Variants in TMEM132D observed in about 807,000 individuals in gnomAD.
TMEM132D encodes the protein mature OL transmembrane protein.
Under a neutral mutation model 62.3 loss-of-function variants are expected in TMEM132D, and 21 were observed. The ratio of observed to expected loss-of-function variants is 0.34; its 90% CI spans 0.24 to 0.49. TMEM132D has a LOEUF of 0.49. Ranked by LOEUF, TMEM132D falls within the 20% of genes least tolerant of loss-of-function variation. The probability of loss-of-function intolerance (pLI) is 0.99; values close to 1 mark genes in which losing one functional copy is unlikely to be tolerated. For synonymous variants in TMEM132D, 621 were observed against 575.6 expected (o/e 1.08, Z -1.13); for missense variants, 1,346 against 1,402.8 (o/e 0.96, Z 0.65).
At chr12:129,185,968 T>G (rs1260270504) in intron 5 of TMEM132D, among the ~76,000 whole-genome samples, 3 of 152,228 alleles carry the variant, frequency 2.0e-5, no homozygotes, top group Non-Finnish European at 4.4e-5. Flanking sequence ...ACCTCTAGTT[T>G]GAGTTGCCAA....
intron 4 of TMEM132D, among the ~76,000 whole-genome samples, chr12:129,259,249 A>G (rs1880489376): frequency 6.6e-6 from 1 of 152,218 alleles, no homozygotes; most frequent in Non-Finnish European, 1.5e-5. Context: ...GAGCATCAGC[A>G]GTATCCATAC....
intron 1 of TMEM132D, among the ~76,000 whole-genome samples, chr12:129,851,961 A>C: frequency 6.6e-6 from 1 of 152,224 alleles, no homozygotes. Flanking sequence ...AAAAAATGTA[A>C]AGACTTTTAA....
chr12:129,200,327 G>A (rs991406574), intron 5 of TMEM132D, among the ~76,000 whole-genome samples: 1 of 152,206 alleles, frequency 6.6e-6, no homozygotes, highest in Non-Finnish European at 1.5e-5. Flanking sequence ...GAGCCTCAGA[G>A]ATACTCCTTC....
At chr12:129,900,859 A>T (rs1875328886) in intron 1 of TMEM132D, among the ~76,000 whole-genome samples, 1 of 152,226 alleles carries the variant, frequency 6.6e-6, no homozygotes, top group Non-Finnish European at 1.5e-5. Flanking sequence ...TCCGTGTGTC[A>T]TACCATACTT....
At chr12:129,544,153 T>G (rs1876669194) in intron 2 of TMEM132D, among the ~76,000 whole-genome samples, 2 of 152,254 alleles carry the variant, frequency 1.3e-5, no homozygotes, top group African/African-American at 2.4e-5. Context: ...GCAATTCTGA[T>G]GAACACAGTA....
intron 5 of TMEM132D, among the ~76,000 whole-genome samples, chr12:129,164,152 A>G (rs889707111): frequency 6.6e-6 from 1 of 152,180 alleles, no homozygotes; most frequent in African/African-American, 2.4e-5. Context: ...AAAAACCACA[A>G]CACAGCCTGG....
intron 3 of TMEM132D, among the ~76,000 whole-genome samples, chr12:129,491,953 A>AAAT (rs879262670): frequency 6.6e-6 from 1 of 151,562 alleles, no homozygotes; most frequent in African/African-American, 2.4e-5. Flanking sequence ...AAAAAAAAAA[A>AAAT]TTGCTTATTG....
chr12:129,838,409 T>C (rs1055506894), intron 1 of TMEM132D, among the ~76,000 whole-genome samples: 1 of 152,232 alleles, frequency 6.6e-6, no homozygotes, highest in African/African-American at 2.4e-5. Context: ...AAAACATTTA[T>C]AAAACTTTGT....
At position 129,262,032 on chromosome 12, in the gene TMEM132D, T is replaced by C. The variant is rs537499050; in HGVS notation, c.1300-52369A>G. On this transcript the variant is annotated intron_variant, in intron 4 of 8. Transcript: ENST00000422113. ...GAGGCATCATTGAGAGAGTATGGGC[T>C]TGGGGGCACCTACAGAGGGATGGGT... Among the ~76,000 whole-genome samples the C allele has an allele frequency of 1.7e-3, 262 of 152,204 alleles. 4 individuals carry two copies. The highest frequency in any genetic ancestry group is 6.1e-3 in the African/African-American group (253 of 41,538).
intron 2 of TMEM132D, among the ~76,000 whole-genome samples, chr12:129,608,059 T>C (rs1224254999): frequency 4.6e-5 from 7 of 152,128 alleles, no homozygotes; most frequent in African/African-American, 1.2e-4. Flanking sequence ...AGATAACACA[T>C]TGCAAGAAGA....
chr12:129,627,856 G>A (rs1036466745), intron 2 of TMEM132D, among the ~76,000 whole-genome samples: 2 of 151,944 alleles, frequency 1.3e-5, no homozygotes, highest in Admixed American at 6.6e-5. Context: ...GCGTGGTGGC[G>A]CATGCCTGGA....
At chr12:129,859,885 G>T (rs1873837494) in intron 1 of TMEM132D, among the ~76,000 whole-genome samples, 1 of 152,138 alleles carries the variant, frequency 6.6e-6, no homozygotes, top group African/African-American at 2.4e-5. Context: ...TGGCTTCCTT[G>T]CTCCTCAGCT....
At chr12:129,239,084 A>G (rs1023718171) in intron 4 of TMEM132D, among the ~76,000 whole-genome samples, 1 of 147,720 alleles carries the variant, frequency 6.8e-6, no homozygotes, top group Non-Finnish European at 1.5e-5. Flanking sequence ...CCCAATGATT[A>G]AGGATGTTGA....
chr12:129,202,212 C>T (rs1170802426), intron 5 of TMEM132D, among the ~76,000 whole-genome samples: 1 of 152,184 alleles, frequency 6.6e-6, no homozygotes, highest in Non-Finnish European at 1.5e-5. Context: ...AAGACTGGGG[C>T]CTTTAAAGGC....
At chr12:129,655,245 C>T (rs1178753387) in intron 2 of TMEM132D, among the ~76,000 whole-genome samples, 1 of 19,870 alleles carries the variant, frequency 5.0e-5, no homozygotes, top group East Asian at 2.0e-3. Flanking sequence ...CTGTGTCTAG[C>T]CTTTTTTTTT....
At chr12:129,106,261 C>A (rs1875493544) in intron 5 of TMEM132D, among the ~76,000 whole-genome samples, 1 of 122,318 alleles carries the variant, frequency 8.2e-6, no homozygotes, top group East Asian at 2.4e-4. Flanking sequence ...ACTCTGGGGC[C>A]TGTTGTGGGA....
intron 4 of TMEM132D, among the ~76,000 whole-genome samples, chr12:129,217,676 T>C (rs1435926500): frequency 1.3e-5 from 2 of 151,910 alleles, no homozygotes; most frequent in Non-Finnish European, 2.9e-5. Flanking sequence ...GAAATGGACA[T>C]AAAAGCTAAC....
chr12:129,697,142 C>T (rs1437145621), intron 2 of TMEM132D, among the ~76,000 whole-genome samples: 1 of 152,134 alleles, frequency 6.6e-6, no homozygotes, highest in Non-Finnish European at 1.5e-5. Flanking sequence ...GAACTCAAAC[C>T]GTAGCTGCTG....
chr12:129,673,083 T>TA (rs1880538320), intron 2 of TMEM132D, among the ~76,000 whole-genome samples: 1 of 152,198 alleles, frequency 6.6e-6, no homozygotes, highest in South Asian at 2.1e-4. Context: ...TAGATTCCTG[T>TA]AGCCACTACC....
Sources: gnomAD v4.1 joint callset for allele counts (sites outside exome capture counted in the v4.1 genomes callset) on GRCh38, gnomAD v4.1.1 for gene constraint, MANE v1.5 for transcripts, NCBI Gene and HGNC (gene_info 2026-07-23, HGNC 2026-07-21) for gene names.